ADAMTS15: variants seen among roughly 807,000 people sequenced by gnomAD.
ADAMTS15 encodes the protein ADAM metallopeptidase with thrombospondin type 1 motif 15.
In ADAMTS15, 35 loss-of-function variants were observed where a neutral mutation model predicts 79.1. The ratio of observed to expected loss-of-function variants is 0.44; its 90% CI spans 0.34 to 0.59. The LOEUF (loss-of-function observed/expected upper bound fraction) is 0.59, where lower values mean the gene tolerates loss of function less well. Among genes scored for constraint, ADAMTS15 ranks in the 20% least tolerant of loss-of-function variants. The pLI, the probability that ADAMTS15 is intolerant of heterozygous loss-of-function variation, is 0.02. For missense variants in ADAMTS15, 1,324 were observed against 1,318.7 expected (o/e 1.00, Z -0.06); for synonymous variants, 616 against 567.3 (o/e 1.09, Z -1.22).
intron 4 of ADAMTS15, among the ~76,000 whole-genome samples, chr11:130,466,601 C>A (rs369693408): frequency 1.2e-4 from 18 of 152,302 alleles, no homozygotes; most frequent in South Asian, 6.2e-4. Flanking sequence ...TGGTCCCAGC[C>A]ACCACCCCCT....
chr11:130,471,119 C>T lies in ADAMTS15; in HGVS notation c.1902+18C>T, dbSNP rs762196470. On this transcript the variant is annotated intron_variant, in intron 6 of 7. Coordinates refer to ENST00000299164, the MANE Select transcript of ADAMTS15 (RefSeq NM_139055.4). ...CACCCAAGGTGAGTGAGCCTGGGGC[C>T]TGAGAACAAAGTAGGGACCAGGTCT... 6.2e-7 allele frequency: 1 copy of T among 1,607,074 alleles called. No individual in the cohort carries two copies. The highest frequency in any genetic ancestry group is 1.7e-5 in the Admixed American group (1 of 59,480).
chr11:130,461,573 A>C lies in ADAMTS15; in HGVS notation c.1042A>C (p.Ile348Leu), dbSNP rs1335572760. 6.2e-7 allele frequency: 1 copy of C among 1,614,010 alleles called. No homozygotes were observed. Among genetic ancestry groups the C allele is most frequent in the African/African-American group, 1.3e-5 (1 of 74,894 alleles). ...MCDPKRSCSV[I>L]EDDGLPSAFT... The stretch of plus-strand genomic sequence containing the variant: ...TGACCCCAAGAGAAGCTGCTCTGTC[A>C]TTGAGGACGATGGGCTTCCATCAGC... The change falls in exon 2 of 8, where the codon ATT becomes CTT. Residue 348 changes from isoleucine to leucine, a missense_variant. Ile to Leu is a conservative substitution (Grantham distance 5). Coordinates refer to ENST00000299164, the MANE Select transcript of ADAMTS15 (RefSeq NM_139055.4).
intron 1 of ADAMTS15, among the ~76,000 whole-genome samples, chr11:130,450,961 C>T (rs1368027716): frequency 6.6e-6 from 1 of 152,198 alleles, no homozygotes; most frequent in Non-Finnish European, 1.5e-5. Context: ...CAGGAAGCAG[C>T]CCTGCCTTTT....
intron 1 of ADAMTS15, among the ~76,000 whole-genome samples, chr11:130,457,964 C>G (rs990579209): frequency 2.0e-5 from 3 of 152,196 alleles, no homozygotes; most frequent in African/African-American, 7.2e-5. Context: ...AGGAAATTTG[C>G]CGGCTCTTTC....
chr11:130,458,503 T>G (rs985851224), intron 1 of ADAMTS15, among the ~76,000 whole-genome samples: 5 of 152,208 alleles, frequency 3.3e-5, no homozygotes, highest in Non-Finnish European at 1.5e-5. Context: ...TCTAAAAATA[T>G]GTCATTCTGT....
chr11:130,470,418 T>C (rs549472819), intron 5 of ADAMTS15, among the ~76,000 whole-genome samples: 2 of 151,326 alleles, frequency 1.3e-5, no homozygotes, highest in Non-Finnish European at 2.9e-5. Context: ...GGTTTCACCA[T>C]GTTCGTGAGG....
chr11:130,450,050 C>A, intron 1 of ADAMTS15, 120 bp downstream of exon 1: 1 of 1,498,494 alleles, frequency 6.7e-7, no homozygotes, highest in Non-Finnish European at 8.9e-7. Flanking sequence ...TCGTTGATCT[C>A]TTCCGACTCC....
chr11:130,449,766 G>A lies in ADAMTS15; in HGVS notation c.793G>A (p.Val265Ile). 1 of 1,612,752 alleles carries A rather than the reference G, an allele frequency of 6.2e-7. No individual in the cohort carries two copies. The change falls in exon 1 of 8, where the codon GTT becomes ATT. Residue 265 changes from valine to isoleucine, a missense_variant. Transcript: ENST00000299164. This position sits in a 1 kb window ranked among gnomAD's most constrained non-coding sequence, Gnocchi z 7.8. ...CAGCATCCTCAACCCCATCAACATC[G>A]TTGTGGTCAAGGTGCTGCTTCTTAG... The part of the protein sequence containing the change: ...HPSILNPINI[V>I]VVKVLLLRDR...
Position 130,476,454 on chromosome 11 carries a change from C to T in ADAMTS15, c.*2633C>T, listed in dbSNP as rs1938589462. ...TAGCCTGGCAGTTGGCTCCCGGAAG[C>T]ACTAGACACTGACACTCATTGGTAG... On this transcript the variant is annotated 3_prime_UTR_variant, in exon 8 of 8. Coordinates refer to ENST00000299164, the MANE Select transcript of ADAMTS15 (RefSeq NM_139055.4). 6.6e-6 allele frequency: 1 copy of T among 152,174 alleles called. No homozygotes were observed. Among genetic ancestry groups the T allele is most frequent in the Non-Finnish European group, 1.5e-5 (1 of 68,080 alleles). The allele number at this position is 152,174 out of a possible 1,614,324, so 9.4% of individuals were successfully genotyped here. A position where few individuals can be genotyped will look rare whatever the true frequency, so the allele number is the denominator to read the frequency against.
At chr11:130,450,538 C>A in intron 1 of ADAMTS15, 1 of 699,628 alleles carries the variant, frequency 1.4e-6, no homozygotes, top group Non-Finnish European at 1.8e-6. Flanking sequence ...AGCATCCCTC[C>A]TTCACTGCCG....
In ADAMTS15 at chr11:130,449,581, G is replaced by T; in HGVS notation, c.608G>T (p.Ser203Ile). ...CGGGCGGGCTTCGGGGAGAGTCGTA[G>T]CCGGCGCAGGTCTGGGCGCGCCAAG... ...PRRAGFGESR[S>I]RRRSGRAKRF... Residue 203 changes from serine (S) to isoleucine (I), a missense_variant, in exon 1 of 8, where the codon AGC becomes ATC. Physicochemically the swap from Ser to Ile is moderately radical, Grantham distance 142. Transcript: ENST00000299164. This position sits in a 1 kb window ranked among gnomAD's most constrained non-coding sequence, Gnocchi z 7.8. The T allele has an allele frequency of 6.3e-7, 1 of 1,597,814 alleles. No homozygotes were observed. The highest frequency in any genetic ancestry group is 8.5e-7 in the Non-Finnish European group (1 of 1,171,834).
intron 1 of ADAMTS15, among the ~76,000 whole-genome samples, chr11:130,456,086 G>C (rs1938072773): frequency 6.6e-6 from 1 of 152,108 alleles, no homozygotes; most frequent in Non-Finnish European, 1.5e-5. Flanking sequence ...GTGACCCTGG[G>C]CTAGTTACTT....
intron 5 of ADAMTS15, among the ~76,000 whole-genome samples, chr11:130,470,146 ATATATGTG>A (rs1479908772): frequency 1.2e-4 from 7 of 58,876 alleles, no homozygotes; most frequent in African/African-American, 3.7e-4. Context: ...ATATATATAT[ATATATGTG>A]TATATATATA....
In ADAMTS15 at chr11:130,460,817, G is replaced by A. The variant is rs1008581200; in HGVS notation, c.958-672G>A. 1.3e-4 allele frequency among the ~76,000 whole-genome samples: 20 copies of A among 152,138 alleles called. 1 individual carries two copies. Among genetic ancestry groups the A allele is most frequent in the Admixed American group, 1.2e-3 (18 of 15,272 alleles). ...AGTTAAGCTTCAGTACAAAACGAGG[G>A]ACCTTCCTGCTTAGGTGGCCATCTC... On this transcript the variant is annotated intron_variant, in intron 1 of 7. Coordinates refer to ENST00000299164, the MANE Select transcript of ADAMTS15 (RefSeq NM_139055.4).
chr11:130,465,629 T>C (rs1356397126), intron 4 of ADAMTS15, among the ~76,000 whole-genome samples: 2 of 152,082 alleles, frequency 1.3e-5, no homozygotes, highest in South Asian at 4.1e-4. Context: ...ACATCATTTC[T>C]CCAAAACAAC....
intron 1 of ADAMTS15, among the ~76,000 whole-genome samples, chr11:130,455,840 C>T (rs150693652): frequency 1.4e-3 from 216 of 152,280 alleles, no homozygotes; most frequent in African/African-American, 4.8e-3. Context: ...GTGGCGCAGA[C>T]GGTGCACTCA....
chr11:130,470,212 A>ATATACATG lies in ADAMTS15; in HGVS notation c.1721-704_1721-703insCATGTATA, dbSNP rs1555081095. Among the ~76,000 whole-genome samples, 119 of 52,250 alleles carry ATATACATG rather than the reference A, an allele frequency of 2.3e-3. 1 individual carries two copies. Among genetic ancestry groups the ATATACATG allele is most frequent in the African/African-American group, 8.0e-3 (71 of 8,836 alleles). 34.3% of individuals were successfully genotyped at this position (52,250 alleles called of 152,430 possible). A position where few individuals can be genotyped will look rare whatever the true frequency, so the allele number is the denominator to read the frequency against. Reference sequence around the variant, plus strand: ...TATATATATATATATATATATATGTATATATATATATATTTTCTGAGGTAG... The same window carrying ATATACATG: ...TATATATATATATATATATATATGTATATACATGTATATATATATATTTTCTGAGGTAG... On this transcript the variant is annotated intron_variant, in intron 5 of 7. Transcript: ENST00000299164.
chr11:130,467,460 A>G (rs905352552), intron 4 of ADAMTS15, among the ~76,000 whole-genome samples: 1 of 152,230 alleles, frequency 6.6e-6, no homozygotes, highest in African/African-American at 2.4e-5. Context: ...AGGATCAAAC[A>G]GATTTTGACA....
chr11:130,473,613 A>G lies in ADAMTS15; in HGVS notation c.2645A>G (p.His882Arg), dbSNP rs754151842. 13 of 1,609,890 alleles carry G rather than the reference A, an allele frequency of 8.1e-6. No homozygotes were observed. The highest frequency in any genetic ancestry group is 1.1e-5 in the Non-Finnish European group (13 of 1,179,604). ...QRTVPACDAA[H>R]RPVETQACGE... ...ACGGTCCCTGCCTGTGATGCAGCCC[A>G]TCGGCCCGTGGAGACACAAGCCTGC... The change falls in exon 8 of 8, where the codon CAT becomes CGT. Residue 882 changes from histidine (H) to arginine (R), a missense_variant. Coordinates refer to ENST00000299164, the MANE Select transcript of ADAMTS15 (RefSeq NM_139055.4).
Sources: gnomAD v4.1 joint callset for allele counts (sites outside exome capture counted in the v4.1 genomes callset) on GRCh38, gnomAD v4.1.1 for gene constraint, Gnocchi (gnomAD v3.1) non-coding constraint, MANE v1.5 for transcripts, NCBI Gene and HGNC (gene_info 2026-07-23, HGNC 2026-07-21) for gene names.